GNL3L: variants seen among roughly 807,000 people sequenced by gnomAD.
The protein encoded by GNL3L is G protein nucleolar 3 like.
In GNL3L, 4 loss-of-function variants were observed where a neutral mutation model predicts 42.9. That is an observed-to-expected ratio of 0.09 (90% CI 0.05 to 0.21). The LOEUF is 0.21. Among genes scored for constraint, GNL3L ranks in the 10% least tolerant of loss-of-function variants. The pLI is 1.00. For missense variants in GNL3L, 412 were observed against 481.7 expected (o/e 0.86, Z 1.36); for synonymous variants, 159 against 176.3 (o/e 0.90, Z 0.78).
intron 16 of GNL3L, among the ~76,000 whole-genome samples, chrX:54,615,979 G>A (rs1285909436): frequency 8.8e-6 from 1 of 113,097 alleles, no homozygotes; most frequent in Non-Finnish European, 1.9e-5. Flanking sequence ...TATGTGCCAG[G>A]CAGTCTGTTA....
intron 10 of GNL3L, 65 bp from the exon 11 acceptor site, chrX:54,551,503 C>A: frequency 1.0e-6 from 1 of 998,783 alleles, no homozygotes; most frequent in Admixed American, 2.3e-5. Flanking sequence ...CATCCCAGGC[C>A]CACCTTCGTG....
rs1249380153 is a variant in GNL3L, at chrX:54,563,926, A to T, written c.*3324A>T. ...TCAAAACAATTAGGGTACAATTTAC[A>T]TATAGTAAAGTTCACTCTTTATAGT... is the stretch of plus-strand genomic sequence containing the variant. On this transcript the variant is annotated 3_prime_UTR_variant, in exon 16 of 16. Transcript: ENST00000360845. Among the ~76,000 whole-genome samples, 3 of 111,931 alleles carry T rather than the reference A, an allele frequency of 2.7e-5. No homozygotes were observed. Among genetic ancestry groups the T allele is most frequent in the Non-Finnish European group, 5.6e-5 (3 of 53,212 alleles).
chrX:54,533,023 T>G (rs6612163), intron 2 of GNL3L, among the ~76,000 whole-genome samples: 3 of 112,003 alleles, frequency 2.7e-5, no homozygotes, highest in Non-Finnish European at 5.6e-5. Flanking sequence ...CTTTTTCATA[T>G]GGTATCATTG....
chrX:54,644,287 G>A, the GNL3L span, among the ~76,000 whole-genome samples: 1 of 111,449 alleles, frequency 9.0e-6, no homozygotes. Context: ...GTTATTTTTT[G>A]TCCTTTTGAG....
intron 16 of GNL3L, among the ~76,000 whole-genome samples, chrX:54,600,876 T>C (rs773948607): frequency 8.9e-6 from 1 of 111,995 alleles, no homozygotes; most frequent in South Asian, 3.7e-4. Context: ...AATAAAAACA[T>C]ATGTCCAGAC....
At chrX:54,554,172 G>A (rs1925019074) in intron 13 of GNL3L, among the ~76,000 whole-genome samples, 1 of 110,973 alleles carries the variant, frequency 9.0e-6, no homozygotes, top group Non-Finnish European at 1.9e-5. Context: ...TGCAGTAGAG[G>A]CCAGCTCCAG....
intron 3 of GNL3L, among the ~76,000 whole-genome samples, chrX:54,539,687 C>T (rs1466849205): frequency 8.9e-6 from 1 of 111,817 alleles, no homozygotes; most frequent in African/African-American, 3.2e-5. Context: ...TCTGGCATGG[C>T]ATCCCATGAT....
At chrX:54,548,436 G>C in intron 9 of GNL3L, 63 bp downstream of exon 9, 1 of 927,999 alleles carries the variant, frequency 1.1e-6, no homozygotes. Flanking sequence ...TTCGCTGGGG[G>C]AAAGGATCCT....
At chrX:54,568,553 CTT>C (rs759337787), downstream of GNL3L, among the ~76,000 whole-genome samples, 7 of 99,930 alleles carry the variant, frequency 7.0e-5, no homozygotes, top group Admixed American at 1.1e-4. Context: ...TATGTAGTAT[CTT>C]TTTTTTTTTT....
At chrX:54,572,065 C>T (rs1446912225), downstream of GNL3L, among the ~76,000 whole-genome samples, 1 of 107,353 alleles carries the variant, frequency 9.3e-6, no homozygotes, top group African/African-American at 3.4e-5. Context: ...GGGGATTTGG[C>T]AGGGTCATAG....
intron 14 of GNL3L, among the ~76,000 whole-genome samples, chrX:54,557,854 T>C (rs1376545310): frequency 2.7e-5 from 3 of 111,033 alleles, no homozygotes; most frequent in Admixed American, 9.6e-5. Flanking sequence ...AGTGCTAGGA[T>C]TACAGACCTA....
At chrX:54,630,546 A>G in the GNL3L span, among the ~76,000 whole-genome samples, 1 of 109,668 alleles carries the variant, frequency 9.1e-6, no homozygotes, top group Non-Finnish European at 1.9e-5. Context: ...TTTAATTTCC[A>G]TGTATTTGCA....
intron 9 of GNL3L, among the ~76,000 whole-genome samples, chrX:54,550,460 A>C (rs1390547426): frequency 9.0e-6 from 1 of 111,532 alleles, no homozygotes; most frequent in Non-Finnish European, 1.9e-5. Flanking sequence ...GGTGAGAATG[A>C]GGCCCAGTGA....
intron 14 of GNL3L, among the ~76,000 whole-genome samples, chrX:54,557,939 A>T (rs1195254313): frequency 9.1e-6 from 1 of 109,714 alleles, no homozygotes; most frequent in Non-Finnish European, 1.9e-5. Context: ...GCTGGAGTGC[A>T]GTGGTGCGAT....
At chrX:54,576,584 A>G (rs760533506) in intron 16 of GNL3L, among the ~76,000 whole-genome samples, 1 of 110,611 alleles carries the variant, frequency 9.0e-6, no homozygotes, top group Non-Finnish European at 1.9e-5. Context: ...GGTTCTAGCA[A>G]TCCTCCTGAG....
downstream of GNL3L, among the ~76,000 whole-genome samples, chrX:54,572,212 C>G (rs1163484708): frequency 9.3e-6 from 1 of 107,769 alleles, no homozygotes; most frequent in Non-Finnish European, 1.9e-5. Context: ...TGACTCTTAA[C>G]GAGCATGCTG....
intron 2 of GNL3L, among the ~76,000 whole-genome samples, chrX:54,534,548 G>C (rs1347314309): frequency 9.0e-6 from 1 of 111,678 alleles, no homozygotes; most frequent in Admixed American, 9.6e-5. Context: ...CGAATACAGA[G>C]ATCTGCTTTT....
rs1381166674 is a variant in GNL3L at position 54,560,709 on chromosome X, C to T, written c.*107C>T. 1 of 544,834 alleles carries T rather than the reference C, an allele frequency of 1.8e-6. No homozygotes were observed. Among genetic ancestry groups the T allele is most frequent in the Non-Finnish European group, 3.2e-6 (1 of 312,880 alleles). 44.9% of individuals were successfully genotyped at this position (544,834 alleles called of 1,213,427 possible). A position where few individuals can be genotyped will look rare whatever the true frequency, so the allele number is the denominator to read the frequency against. ...CTGAAGCATCTGCATATTGAAAGAACGCTTTCCCCACTGTGTGTCTTCTCC... is the reference window on the plus strand; with the variant it reads ...CTGAAGCATCTGCATATTGAAAGAATGCTTTCCCCACTGTGTGTCTTCTCC... On this transcript the variant is annotated 3_prime_UTR_variant, in exon 16 of 16. Transcript: ENST00000360845.
At chrX:54,539,002 G>A (rs1450114003) in intron 2 of GNL3L, 38 bp from the exon 3 acceptor site, 39 of 851,522 alleles carry the variant, frequency 4.6e-5, no homozygotes, top group Non-Finnish European at 6.4e-5. Flanking sequence ...TCGTGTAGAT[G>A]GATGACGGCT....
Sources: allele counts gnomAD v4.1 joint callset (sites outside exome capture counted in the v4.1 genomes callset), GRCh38; gene constraint gnomAD v4.1.1; transcripts MANE v1.5; gene names NCBI Gene and HGNC (gene_info 2026-07-23, HGNC 2026-07-21).